SGCZ: variants seen among roughly 807,000 people sequenced by gnomAD.
SGCZ encodes zeta-sarcoglycan.
A neutral mutation model predicts 41.3 loss-of-function variants in SGCZ; 40 were observed. That is an observed-to-expected ratio of 0.97 (90% CI 0.75 to 1.26). The LOEUF (loss-of-function observed/expected upper bound fraction) is 1.26, where lower values mean the gene tolerates loss of function less well. Among genes scored for constraint, SGCZ ranks in the 50% most tolerant of loss-of-function variants. The pLI, the probability that SGCZ is intolerant of heterozygous loss-of-function variation, is 0.00. For synonymous variants in SGCZ, 206 were observed against 137.5 expected (o/e 1.50, Z -3.49); for missense variants, 552 against 369.8 (o/e 1.49, Z -4.04).
chr8:14,717,341 T>C (rs929572014), intron 1 of SGCZ, among the ~76,000 whole-genome samples: 14 of 152,190 alleles, frequency 9.2e-5, no homozygotes, highest in East Asian at 1.9e-4. Flanking sequence ...AAGTAAAATA[T>C]ATGTTTCCTT....
intron 3 of SGCZ, among the ~76,000 whole-genome samples, chr8:14,301,389 T>C (rs915688106): frequency 1.3e-5 from 2 of 151,814 alleles, no homozygotes; most frequent in Non-Finnish European, 2.9e-5. Context: ...AAACAAACAA[T>C]TGTTGAAAAG....
At chr8:14,880,856 A>G (rs1804560151) in intron 1 of SGCZ, among the ~76,000 whole-genome samples, 1 of 152,150 alleles carries the variant, frequency 6.6e-6, no homozygotes, top group South Asian at 2.1e-4. Context: ...CCTAATGTAA[A>G]TGACGAGTTA....
intron 1 of SGCZ, among the ~76,000 whole-genome samples, chr8:14,759,158 A>G (rs1039198538): frequency 6.6e-6 from 1 of 152,106 alleles, no homozygotes; most frequent in African/African-American, 2.4e-5. Flanking sequence ...GTATAATTCT[A>G]TTTATATTAC....
intron 1 of SGCZ, among the ~76,000 whole-genome samples, chr8:14,669,164 G>A (rs1262254725): frequency 3.4e-5 from 5 of 145,306 alleles, no homozygotes; most frequent in Non-Finnish European, 7.4e-5. Flanking sequence ...GTAAAACCTC[G>A]TCTCTACAAA....
At chr8:14,752,261 G>A (rs2130321955) in intron 1 of SGCZ, among the ~76,000 whole-genome samples, 1 of 151,456 alleles carries the variant, frequency 6.6e-6, no homozygotes, top group African/African-American at 2.4e-5. Context: ...CGTTTCCTGT[G>A]TTAATCATTA....
intron 2 of SGCZ, among the ~76,000 whole-genome samples, chr8:14,489,209 T>C (rs2117024364): frequency 6.6e-6 from 1 of 152,196 alleles, no homozygotes; most frequent in African/African-American, 2.4e-5. Flanking sequence ...GAGGCTGTGG[T>C]TGCATTCAAA....
Position 14,691,203 on chromosome 8 carries a change from T to G in SGCZ, c.40-136277A>C, listed in dbSNP as rs150857568. On this transcript the variant is annotated intron_variant, in intron 1 of 7. Coordinates refer to ENST00000382080, the MANE Select transcript of SGCZ (RefSeq NM_139167.4). Reference sequence around the variant, plus strand: ...TCTAGATGAATCAACAATACTTCGATAAGGCACTCACTATTTGGTGAATGA... The same window carrying G: ...TCTAGATGAATCAACAATACTTCGAGAAGGCACTCACTATTTGGTGAATGA... 6.2e-3 allele frequency among the ~76,000 whole-genome samples: 951 copies of G among 152,292 alleles called. 51 individuals are homozygous for G. Among genetic ancestry groups the G allele is most frequent in the Admixed American group, 0.057 (873 of 15,294 alleles).
intron 1 of SGCZ, among the ~76,000 whole-genome samples, chr8:15,134,883 C>T (rs114242635): frequency 1.1e-3 from 173 of 152,186 alleles, no homozygotes; most frequent in African/African-American, 4.0e-3. Flanking sequence ...TTCTGAAACA[C>T]GTTTGAATGT....
chr8:14,266,682 T>TA lies in SGCZ; in HGVS notation c.337-29004dup, dbSNP rs1254829780. On this transcript the variant is annotated intron_variant, in intron 3 of 7. Coordinates refer to ENST00000382080, the MANE Select transcript of SGCZ (RefSeq NM_139167.4). ...CCTGATGGGTCATTGTGAGGGTTTT[T>TA]ATCTTATCCTAAGCAAAGATAAGGA... Among the ~76,000 whole-genome samples the TA allele has an allele frequency of 3.9e-5, 6 of 152,254 alleles. No homozygotes were observed. The East Asian group carries it at 1.2e-3, about 29-fold the overall frequency.
Position 14,406,816 on chromosome 8 carries a change from A to G in SGCZ, c.235-82612T>C, listed in dbSNP as rs115243690. 1.6e-3 allele frequency among the ~76,000 whole-genome samples: 237 copies of G among 152,274 alleles called. 2 individuals carry two copies. The highest frequency in any genetic ancestry group is 4.4e-3 in the African/African-American group (183 of 41,562). On this transcript the variant is annotated intron_variant, in intron 2 of 7. Coordinates refer to ENST00000382080, the MANE Select transcript of SGCZ (RefSeq NM_139167.4). ...AAAATAATTAAAAGTGGGTATAAAT[A>G]TGAGTGCAGCACTGATTCTGAGATG... is the stretch of plus-strand genomic sequence containing the variant.
chr8:14,267,887 C>T (rs1799928420), intron 3 of SGCZ, among the ~76,000 whole-genome samples: 1 of 151,902 alleles, frequency 6.6e-6, no homozygotes, highest in Non-Finnish European at 1.5e-5. Context: ...AAAAGTCATT[C>T]TATTTTTACA....
intron 3 of SGCZ, among the ~76,000 whole-genome samples, chr8:14,264,470 C>T (rs1019539844): frequency 2.0e-5 from 3 of 152,116 alleles, no homozygotes; most frequent in Non-Finnish European, 4.4e-5. Flanking sequence ...CCTTCAGGAA[C>T]AAAACATCCG....
intron 2 of SGCZ, among the ~76,000 whole-genome samples, chr8:14,414,556 G>C (rs1220315346): frequency 4.0e-5 from 6 of 151,862 alleles, no homozygotes; most frequent in Admixed American, 3.9e-4. Context: ...CTCTTCAAAA[G>C]TATTAACAAG....
At chr8:14,914,947 G>T (rs1197778628) in intron 1 of SGCZ, among the ~76,000 whole-genome samples, 1 of 152,098 alleles carries the variant, frequency 6.6e-6, no homozygotes, top group African/African-American at 2.4e-5. Context: ...AAAAACCCTT[G>T]CAAGCAAAAG....
chr8:14,984,283 T>C (rs1330010376), intron 1 of SGCZ, among the ~76,000 whole-genome samples: 2 of 152,202 alleles, frequency 1.3e-5, no homozygotes, highest in Non-Finnish European at 2.9e-5. Context: ...AGTGGCAATA[T>C]GATGAAACAT....
At chr8:14,521,768 A>G (rs910767236) in intron 2 of SGCZ, among the ~76,000 whole-genome samples, 21 of 152,102 alleles carry the variant, frequency 1.4e-4, no homozygotes, top group African/African-American at 5.1e-4. Flanking sequence ...ATTGCCACCA[A>G]TACTCCATGA....
chr8:15,164,848 G>A (rs931076823), intron 1 of SGCZ, among the ~76,000 whole-genome samples: 1 of 152,014 alleles, frequency 6.6e-6, no homozygotes, highest in Non-Finnish European at 1.5e-5. Flanking sequence ...TAACCCCTTG[G>A]CAACGCTTTG....
intron 5 of SGCZ, among the ~76,000 whole-genome samples, chr8:14,129,040 C>T (rs747415707): frequency 2.0e-5 from 3 of 151,904 alleles, no homozygotes; most frequent in Non-Finnish European, 4.4e-5. Flanking sequence ...ATATGCAACA[C>T]AGTCATGTAA....
At chr8:14,090,680 G>GT (rs759936297) in intron 7 of SGCZ, 43 bp from the exon 8 acceptor site, 1 of 1,535,982 alleles carries the variant, frequency 6.5e-7, no homozygotes, top group Admixed American at 1.8e-5. Flanking sequence ...TTTTAGAAAT[G>GT]TAGCATCGAG....
Sources: allele counts gnomAD v4.1 joint callset (sites outside exome capture counted in the v4.1 genomes callset), GRCh38; gene constraint gnomAD v4.1.1; transcripts MANE v1.5; gene names NCBI Gene and HGNC (gene_info 2026-07-23, HGNC 2026-07-21).